Variants in PES1 observed in about 807,000 individuals in gnomAD.
PES1 encodes the protein pescadillo homolog.
Under a neutral mutation model 77.1 loss-of-function variants are expected in PES1, and 31 were observed. The ratio of observed to expected loss-of-function variants is 0.40; its 90% CI spans 0.30 to 0.54. The LOEUF is 0.54. PES1 is among the 20% of genes least tolerant of loss of function. The pLI is 0.45. For missense variants in PES1, 658 were observed against 771.7 expected, an observed-to-expected ratio of 0.85 and a Z score of 1.75; for synonymous variants, 282 against 303.0, an observed-to-expected ratio of 0.93 and a Z score of 0.72.
intron 8 of PES1, 99 bp downstream of exon 8, chr22:30,581,235 A>G: frequency 7.1e-7 from 1 of 1,406,988 alleles, no homozygotes; most frequent in Non-Finnish European, 9.9e-7. Context: ...CCACCCACCT[A>G]GCCATAACCA....
intron 6 of PES1, among the ~76,000 whole-genome samples, chr22:30,583,926 C>T (rs1220828695): frequency 6.6e-6 from 1 of 152,256 alleles, no homozygotes; most frequent in Non-Finnish European, 1.5e-5. Flanking sequence ...CAAGGTCTGG[C>T]AGCTATCGGC....
upstream of PES1, chr22:30,592,033 T>G (rs889407398): frequency 2.6e-5 from 36 of 1,368,052 alleles, no homozygotes; most frequent in Non-Finnish European, 2.8e-5. Flanking sequence ...CTGAAAAAAA[T>G]CACTGAGAAC....
At chr22:30,584,494 G>A (rs1194225877) in intron 5 of PES1, 40 bp from the exon 6 acceptor site, 2 of 1,609,516 alleles carry the variant, frequency 1.2e-6, no homozygotes, top group African/African-American at 1.3e-5. Flanking sequence ...AGACCATGGG[G>A]TGGCAGGAGA....
Position 30,587,369 on chromosome 22 carries a change from A to G in PES1, c.285T>C (p.Ala95=), listed in dbSNP as rs759825518. 6.8e-6 allele frequency: 11 copies of G among 1,613,924 alleles called. No individual in the cohort carries two copies. Among genetic ancestry groups the G allele is most frequent in the Non-Finnish European group, 9.3e-6 (11 of 1,179,956 alleles). ...CAGTGTTCCACTCGCTCTTCCCATA[A>G]GCCTTCCGGAGCTTCCGGACGAACA... is the stretch of plus-strand genomic sequence containing the variant. The part of the protein sequence containing the change: ...YKVFVRKLRK[A]YGKSEWNTVE... Residue 95 remains alanine, a synonymous_variant, in exon 4 of 15, where the codon GCT becomes GCC. Coordinates refer to ENST00000354694, the MANE Select transcript of PES1 (RefSeq NM_014303.4).
chr22:30,591,809 CCTT>C lies in PES1; in HGVS notation c.22_24del (p.Lys8del), dbSNP rs1411876036. 10 of 1,563,898 alleles carry C rather than the reference CCTT, an allele frequency of 6.4e-6. No individual in the cohort carries two copies. Among genetic ancestry groups the C allele is most frequent in the East Asian group, 2.4e-5 (1 of 42,248 alleles). On this transcript the variant is annotated inframe_deletion and splice_region_variant, in exon 1 of 15. Transcript: ENST00000354694. ...GAATCCCCACCGTCTTTCCCAATCA[CCTT>C]CTTCTTCTCAAGGCCTCCCATCGCT...
At chr22:30,592,070 A>C (rs899317585), upstream of PES1, 9 of 1,352,216 alleles carry the variant, frequency 6.7e-6, no homozygotes, top group Non-Finnish European at 8.5e-6. Flanking sequence ...TCCCGCTCAC[A>C]ATGGTTACAA....
intron 8 of PES1, 73 bp downstream of exon 8, chr22:30,581,261 A>T: frequency 6.6e-7 from 1 of 1,509,936 alleles, no homozygotes; most frequent in Non-Finnish European, 9.2e-7. Context: ...ACTCTGAACC[A>T]GACCCCCAGA....
chr22:30,586,678 T>C (rs906020858), intron 4 of PES1, among the ~76,000 whole-genome samples: 1 of 152,202 alleles, frequency 6.6e-6, no homozygotes, highest in African/African-American at 2.4e-5. Context: ...GAATTGCTGA[T>C]TTAGGCTGAG....
rs946968755 is a variant in PES1 at position 30,584,527 on chromosome 22, C to T, written c.540+19G>A. The stretch of plus-strand genomic sequence containing the variant: ...AGAGGGGGCAGGGTGGGATGCCAGC[C>T]GGGCAGTCCCAGGCTCACCTTGCGC... On this transcript the variant is annotated intron_variant, in intron 5 of 14. Transcript: ENST00000354694. 6 of 1,608,924 alleles carry T rather than the reference C, an allele frequency of 3.7e-6. No individual in the cohort carries two copies. Among genetic ancestry groups the T allele is most frequent in the Admixed American group, 1.7e-5 (1 of 59,178 alleles).
chr22:30,603,064 C>T (rs147278488), intron 2 of PES1, among the ~76,000 whole-genome samples: 1 of 152,012 alleles, frequency 6.6e-6, no homozygotes, highest in African/African-American at 2.4e-5. Flanking sequence ...GAGCCCACCA[C>T]CAGGCGCAGC....
intron 2 of PES1, among the ~76,000 whole-genome samples, chr22:30,602,928 T>A (rs1300299349): frequency 2.0e-5 from 3 of 151,980 alleles, no homozygotes; most frequent in South Asian, 2.1e-4. Flanking sequence ...TGTGTGTGTG[T>A]GAGAAGGAGT....
chr22:30,588,079 A>T lies in PES1; in HGVS notation c.200T>A (p.Ile67Asn). 1 of 1,614,206 alleles carries T rather than the reference A, an allele frequency of 6.2e-7. No individual in the cohort carries two copies. The highest frequency in any genetic ancestry group is 1.1e-5 in the South Asian group (1 of 91,090). ...GSTAARTFYL[I>N]KDIRFLLHEP... ...GTGGAGGAGAAACCTGATGTCTTTG[A>T]TAAGGTAAAACGTTCGGGCTGCTGT... The change falls in exon 3 of 15, where the codon ATC becomes AAC. Residue 67 changes from isoleucine (I) to asparagine (N), a missense_variant. By Grantham distance (149) the Ile-to-Asn change is moderately radical. Transcript: ENST00000354694.
intron 7 of PES1, 53 bp downstream of exon 7, chr22:30,581,475 G>T: frequency 1.2e-6 from 2 of 1,606,004 alleles, no homozygotes; most frequent in South Asian, 2.2e-5. Flanking sequence ...TGTGGACAGA[G>T]AAGGGCTGTG....
chr22:30,580,937 C>A, intron 9 of PES1, 75 bp downstream of exon 9: 1 of 1,328,354 alleles, frequency 7.5e-7, no homozygotes, highest in Non-Finnish European at 1.1e-6. Context: ...TTATAGGATG[C>A]AAATGTCCCT....
At chr22:30,578,768 A>C (rs2086937554) in intron 14 of PES1, 69 bp downstream of exon 14, 1 of 1,533,286 alleles carries the variant, frequency 6.5e-7, no homozygotes, top group Admixed American at 1.7e-5. Context: ...GCCCCAAGCC[A>C]CATAAGTTCA....
At chr22:30,601,047 G>T (rs2087347436) in intron 2 of PES1, among the ~76,000 whole-genome samples, 1 of 152,180 alleles carries the variant, frequency 6.6e-6, no homozygotes, top group African/African-American at 2.4e-5. Flanking sequence ...CAGTACTCCA[G>T]CTCAAGTGTT....
Position 30,576,849 on chromosome 22 carries a change from G to A in PES1, c.*197C>T, listed in dbSNP as rs1204439277. 1.7e-6 allele frequency: 1 copy of A among 595,934 alleles called. No homozygotes were observed. Among genetic ancestry groups the A allele is most frequent in the African/African-American group, 1.9e-5 (1 of 53,570 alleles). The allele number at this position is 595,934 out of a possible 1,614,324, so 36.9% of individuals were successfully genotyped here. A position where few individuals can be genotyped will look rare whatever the true frequency, so the allele number is the denominator to read the frequency against. On this transcript the variant is annotated 3_prime_UTR_variant, in exon 15 of 15. Transcript: ENST00000354694. ...GGCACAGAGGCCTCTTCTCTGACCA[G>A]GCACCAGCAGGGCAGCTCCATCCAA... is the stretch of plus-strand genomic sequence containing the variant.
At chr22:30,585,042 C>T (rs1449265156) in intron 4 of PES1, among the ~76,000 whole-genome samples, 1 of 152,138 alleles carries the variant, frequency 6.6e-6, no homozygotes, top group African/African-American at 2.4e-5. Flanking sequence ...GGCTCTATGA[C>T]TCTCTTTGAA....
chr22:30,584,275 A>T (rs1453395296), intron 6 of PES1, 90 bp downstream of exon 6: 8 of 1,054,438 alleles, frequency 7.6e-6, no homozygotes, highest in Non-Finnish European at 1.1e-5. Context: ...CACTTGCTAA[A>T]CTCCATGGAC....
Sources: gnomAD v4.1 joint callset for allele counts (sites outside exome capture counted in the v4.1 genomes callset) on GRCh38, gnomAD v4.1.1 for gene constraint, MANE v1.5 for transcripts, NCBI Gene and HGNC (gene_info 2026-07-23, HGNC 2026-07-21) for gene names.